The following IKZF2 variants were observed in gnomAD, a reference collection of about 807,000 sequenced individuals.
IKZF2 encodes IKAROS family zinc finger 2.
In IKZF2, 15 loss-of-function variants were observed where a neutral mutation model predicts 49.2. The observed-to-expected ratio is 0.30, with a 90% CI of 0.20 to 0.47. The LOEUF (loss-of-function observed/expected upper bound fraction) is 0.47, where lower values mean the gene tolerates loss of function less well. Among genes scored for constraint, IKZF2 ranks in the 20% least tolerant of loss-of-function variants. The pLI, the probability that IKZF2 is intolerant of heterozygous loss-of-function variation, is 1.00. For missense variants in IKZF2, 567 were observed against 664.6 expected (o/e 0.85, Z 1.61); for synonymous variants, 227 against 221.4 (o/e 1.03, Z -0.23).
Position 213,057,007 on chromosome 2 carries a change from T to A in IKZF2, c.232A>T (p.Ser78Cys). 6.2e-7 allele frequency: 1 copy of A among 1,613,944 alleles called. No homozygotes were observed. Among genetic ancestry groups the A allele is most frequent in the South Asian group, 1.1e-5 (1 of 91,076 alleles). Residue 78 changes from serine (S) to cysteine (C), a missense_variant, in exon 5 of 9, where the codon AGC becomes TGC. Physicochemically the swap from Ser to Cys is moderately radical, Grantham distance 112 (BLOSUM62 -1). Transcript: ENST00000434687. ...TCAATTAGGGGTTCTTCTAGGCTGC[T>A]ACCCTCATCATGGCCCCTGATCTCA... ...EDEIRGHDEG[S>C]SLEEPLIESS...
intron 4 of IKZF2, among the ~76,000 whole-genome samples, chr2:213,137,427 G>A (rs955669453): frequency 6.6e-6 from 1 of 151,934 alleles, no homozygotes; most frequent in African/African-American, 2.4e-5. Flanking sequence ...AAATGATTAG[G>A]TACCACCTAT....
intron 4 of IKZF2, among the ~76,000 whole-genome samples, chr2:213,144,464 C>A (rs1435625774): frequency 6.6e-6 from 1 of 151,892 alleles, no homozygotes; most frequent in Non-Finnish European, 1.5e-5. Context: ...GAAACCAATA[C>A]TGAACAACTA....
At chr2:213,151,642 C>A (rs1388315662), upstream of IKZF2, 1 of 151,842 alleles carries the variant, frequency 6.6e-6, no homozygotes, top group South Asian at 1.9e-4. Flanking sequence ...CCCGAGAAAC[C>A]GATCCGGTGG....
At chr2:213,122,523 A>G (rs1482891232) in intron 4 of IKZF2, among the ~76,000 whole-genome samples, 3 of 152,204 alleles carry the variant, frequency 2.0e-5, no homozygotes, top group Non-Finnish European at 4.4e-5. Context: ...ACCCTATGAC[A>G]TAACTATTTT....
At chr2:213,084,017 T>C (rs568783691) in intron 4 of IKZF2, among the ~76,000 whole-genome samples, 1 of 152,224 alleles carries the variant, frequency 6.6e-6, no homozygotes, top group Admixed American at 6.5e-5. Flanking sequence ...AAACCAGTAC[T>C]TGGTGCCAAA....
chr2:213,057,805 T>C (rs974107846), intron 4 of IKZF2, among the ~76,000 whole-genome samples: 1 of 152,176 alleles, frequency 6.6e-6, no homozygotes, highest in Admixed American at 6.5e-5. Flanking sequence ...CTCTAATCTA[T>C]GCACACCAAA....
At chr2:213,116,789 T>C (rs1373583597) in intron 4 of IKZF2, among the ~76,000 whole-genome samples, 1 of 152,220 alleles carries the variant, frequency 6.6e-6, no homozygotes, top group African/African-American at 2.4e-5. Flanking sequence ...GCTCTGAATG[T>C]ACAATTATGA....
chr2:213,043,573 A>G (rs979170925), intron 6 of IKZF2, among the ~76,000 whole-genome samples: 5 of 152,202 alleles, frequency 3.3e-5, no homozygotes, highest in African/African-American at 4.8e-5. Flanking sequence ...CCTTTTCACC[A>G]CCAGGGACCA....
chr2:213,079,262 CCAA>C (rs1415989968), intron 4 of IKZF2, among the ~76,000 whole-genome samples: 2 of 151,894 alleles, frequency 1.3e-5, no homozygotes, highest in Non-Finnish European at 2.9e-5. Flanking sequence ...GTTTGTAGTC[CCAA>C]CTACTTGGGG....
chr2:213,136,392 GA>G (rs1198249926), intron 4 of IKZF2, among the ~76,000 whole-genome samples: 11 of 83,666 alleles, frequency 1.3e-4, no homozygotes, highest in African/African-American at 3.8e-4. Context: ...AAAAAAAAAA[GA>G]AAAAGAAAAA....
At chr2:213,146,128 G>A (rs2061048972) in intron 4 of IKZF2, among the ~76,000 whole-genome samples, 1 of 152,034 alleles carries the variant, frequency 6.6e-6, no homozygotes, top group South Asian at 2.1e-4. Flanking sequence ...TACATGCAAT[G>A]TTTCTAAAGC....
chr2:213,052,845 C>T (rs1299672608), intron 5 of IKZF2, among the ~76,000 whole-genome samples: 1 of 152,026 alleles, frequency 6.6e-6, no homozygotes, highest in Non-Finnish European at 1.5e-5. Context: ...CTAGGCATTA[C>T]AGAATAAGTG....
At chr2:213,114,343 G>A (rs1574894116) in intron 4 of IKZF2, among the ~76,000 whole-genome samples, 1 of 151,968 alleles carries the variant, frequency 6.6e-6, no homozygotes, top group African/African-American at 2.4e-5. Flanking sequence ...CATCTAAAAC[G>A]TTATTTTGAA....
At chr2:213,088,445 T>A (rs563320473) in intron 4 of IKZF2, among the ~76,000 whole-genome samples, 10 of 152,326 alleles carry the variant, frequency 6.6e-5, no homozygotes, top group African/African-American at 2.2e-4. Flanking sequence ...CCAAAGCTGA[T>A]ATTTAAAAAC....
At chr2:213,115,156 G>A (rs1207322559) in intron 4 of IKZF2, among the ~76,000 whole-genome samples, 2 of 152,066 alleles carry the variant, frequency 1.3e-5, no homozygotes, top group Non-Finnish European at 2.9e-5. Context: ...TTCCTACACA[G>A]GTCTAAACCT....
At position 213,001,522 on chromosome 2, in the gene IKZF2, TTAC is replaced by T. The variant is rs1286137650; in HGVS notation, c.*5835_*5837del. 1 of 151,562 alleles carries T rather than the reference TTAC, an allele frequency of 6.6e-6. No homozygotes were observed. Among genetic ancestry groups the T allele is most frequent in the Non-Finnish European group, 1.5e-5 (1 of 67,558 alleles). The allele number at this position is 151,562 out of a possible 1,614,324, so 9.4% of individuals were successfully genotyped here. ...GAAAGTAACATGAGGGTTACATAGC[TTAC>T]TATTTTTAATCCAACCACTTTTCTT... On this transcript the variant is annotated 3_prime_UTR_variant, in exon 9 of 9. Coordinates refer to ENST00000434687, the MANE Select transcript of IKZF2 (RefSeq NM_001387220.1).
chr2:213,139,607 G>A (rs1304078406), intron 4 of IKZF2, among the ~76,000 whole-genome samples: 1 of 151,798 alleles, frequency 6.6e-6, no homozygotes, highest in Non-Finnish European at 1.5e-5. Flanking sequence ...ACATAAATTG[G>A]CATTCTGATT....
At position 213,013,847 on chromosome 2, in the gene IKZF2, T is replaced by C. The variant is rs763510451; in HGVS notation, c.800A>G (p.Glu267Gly). 18 of 1,612,040 alleles carry C rather than the reference T, an allele frequency of 1.1e-5. No individual in the cohort carries two copies. The highest frequency in any genetic ancestry group is 1.4e-5 in the Non-Finnish European group (16 of 1,178,608). ...LVPFERPAVI[E>G]KLTGNMGKRK... ...TTTTCCCATATTCCCCGTGAGCTTCTCTATGACAGCAGGTCTCTCAAAAGG... is the reference window on the plus strand; with the variant it reads ...TTTTCCCATATTCCCCGTGAGCTTCCCTATGACAGCAGGTCTCTCAAAAGG... The change falls in exon 8 of 9, where the codon GAG (glutamate) becomes GGG (glycine). Residue 267 changes from glutamate to glycine, a missense_variant. By Grantham distance (98) the Glu-to-Gly change is moderately conservative. Around this residue, in one of 5 missense-constraint regions of IKZF2, gnomAD observed 310 missense variants for 326.9 expected, o/e 0.95. Transcript: ENST00000434687.
chr2:213,013,181 G>A (rs536591457), intron 8 of IKZF2, among the ~76,000 whole-genome samples: 12 of 152,088 alleles, frequency 7.9e-5, no homozygotes, highest in African/African-American at 2.9e-4. Flanking sequence ...CATCTTGAAT[G>A]TAGGTTGCTG....
Sources: gnomAD v4.1 joint callset for allele counts (sites outside exome capture counted in the v4.1 genomes callset) on GRCh38, gnomAD v4.1.1 for gene constraint, gnomAD v4.1.1 regional missense constraint, MANE v1.5 for transcripts, NCBI Gene and HGNC (gene_info 2026-07-23, HGNC 2026-07-21) for gene names.